LRP1B: variants seen among roughly 807,000 people sequenced by gnomAD.
LRP1B encodes the protein LDL receptor related protein 1B.
In LRP1B, 217 loss-of-function variants were observed where a neutral mutation model predicts 556.6. The ratio of observed to expected loss-of-function variants is 0.39; its 90% CI spans 0.35 to 0.44. The LOEUF is 0.44. LRP1B is among the 20% of genes least tolerant of loss of function. The pLI is 1.00. For missense variants in LRP1B, 5,053 were observed against 5,620.8 expected (o/e 0.90, Z 3.23); for synonymous variants, 2,047 against 1,865.8 (o/e 1.10, Z -2.50).
chr2:141,082,604 T>G (rs1699953011), intron 7 of LRP1B, among the ~76,000 whole-genome samples: 1 of 152,200 alleles, frequency 6.6e-6, no homozygotes, highest in Admixed American at 6.5e-5. Flanking sequence ...AGTGGAGTGC[T>G]ATGTTTACTT....
intron 15 of LRP1B, among the ~76,000 whole-genome samples, chr2:140,998,483 T>C (rs1004114677): frequency 5.3e-5 from 8 of 152,014 alleles, no homozygotes; most frequent in Admixed American, 6.6e-5. Flanking sequence ...TGCTTGGTAA[T>C]TGATCACCTA....
chr2:141,034,514 A>G (rs1279267604), intron 11 of LRP1B, among the ~76,000 whole-genome samples: 1 of 152,216 alleles, frequency 6.6e-6, no homozygotes, highest in East Asian at 1.9e-4. Flanking sequence ...AATTTACAAG[A>G]AAAAAACAAA....
intron 15 of LRP1B, among the ~76,000 whole-genome samples, chr2:140,997,386 T>A (rs10197332): frequency 0.98 from 149,044 of 151,506 alleles, 73,363 homozygotes; most frequent in Non-Finnish European, 1. Context: ...TTTTTTTTTT[T>A]AATTTATTTT....
intron 2 of LRP1B, among the ~76,000 whole-genome samples, chr2:141,509,585 C>A (rs988330): frequency 0.92 from 138,219 of 150,710 alleles, 63,229 homozygotes; most frequent in Non-Finnish European, 0.95. Context: ...AACAAACAAA[C>A]AAAATGCCTT....
intron 3 of LRP1B, among the ~76,000 whole-genome samples, chr2:141,423,871 T>G (rs1680247560): frequency 6.6e-6 from 1 of 151,982 alleles, no homozygotes; most frequent in Admixed American, 6.6e-5. Context: ...GTTATAAATA[T>G]ATAAATGATT....
chr2:141,836,655 GT>G (rs1182105963), intron 1 of LRP1B, among the ~76,000 whole-genome samples: 1 of 151,914 alleles, frequency 6.6e-6, no homozygotes, highest in Non-Finnish European at 1.5e-5. Context: ...TTGTATTACT[GT>G]CACACACTCT....
intron 2 of LRP1B, among the ~76,000 whole-genome samples, chr2:141,520,628 G>T (rs1388032537): frequency 6.6e-6 from 1 of 152,032 alleles, no homozygotes; most frequent in African/African-American, 2.4e-5. Context: ...ATGGTAAACG[G>T]GTCGGGAGAG....
At chr2:141,910,826 T>G (rs2104951901) in intron 1 of LRP1B, among the ~76,000 whole-genome samples, 1 of 152,208 alleles carries the variant, frequency 6.6e-6, no homozygotes, top group East Asian at 1.9e-4. Context: ...GTAGGAAACT[T>G]TCAGTGCTAC....
At chr2:141,511,000 C>G (rs1684111906) in intron 2 of LRP1B, among the ~76,000 whole-genome samples, 1 of 151,244 alleles carries the variant, frequency 6.6e-6, no homozygotes, top group African/African-American at 2.4e-5. Flanking sequence ...CTCATTAGAC[C>G]CTCAGTTAAT....
intron 84 of LRP1B, among the ~76,000 whole-genome samples, chr2:140,288,996 G>A (rs775071040): frequency 1.3e-5 from 2 of 151,864 alleles, no homozygotes; most frequent in Non-Finnish European, 2.9e-5. Flanking sequence ...TGAGATTAGA[G>A]TTGTCTCAAT....
At chr2:141,538,076 T>C (rs1341695705) in intron 2 of LRP1B, among the ~76,000 whole-genome samples, 1 of 152,142 alleles carries the variant, frequency 6.6e-6, no homozygotes, top group Non-Finnish European at 1.5e-5. Flanking sequence ...TATTGCAAAA[T>C]GTAAATTTGT....
At chr2:141,566,019 G>A (rs1686317279) in intron 2 of LRP1B, among the ~76,000 whole-genome samples, 1 of 152,030 alleles carries the variant, frequency 6.6e-6, no homozygotes, top group Non-Finnish European at 1.5e-5. Context: ...AAGGTGCAAG[G>A]AATGACCTTA....
intron 2 of LRP1B, among the ~76,000 whole-genome samples, chr2:141,523,812 T>A (rs1249243514): frequency 6.6e-6 from 1 of 152,170 alleles, no homozygotes; most frequent in South Asian, 2.1e-4. Context: ...GCTACCATCA[T>A]AGCCGAGTAA....
At chr2:141,918,141 T>C (rs929965446) in intron 1 of LRP1B, among the ~76,000 whole-genome samples, 1 of 152,024 alleles carries the variant, frequency 6.6e-6, no homozygotes, top group Non-Finnish European at 1.5e-5. Context: ...TATACTTTTT[T>C]AAAAAATACA....
Position 140,594,102 on chromosome 2 carries a change from C to T in LRP1B, c.7194+4529G>A, listed in dbSNP as rs761628350. Among the ~76,000 whole-genome samples the T allele has an allele frequency of 8.2e-4, 124 of 151,976 alleles. 1 individual carries two copies. Among genetic ancestry groups the T allele is most frequent in the Non-Finnish European group, 6.6e-4 (45 of 67,980 alleles). On this transcript the variant is annotated intron_variant, in intron 43 of 90. Coordinates refer to ENST00000389484, the MANE Select transcript of LRP1B (RefSeq NM_018557.3). ...AAGCGATTCTCCTGCCTCAGCCTCC[C>T]GAGTAGCTGGGACGTGCCACCATGC... is the stretch of plus-strand genomic sequence containing the variant.
intron 2 of LRP1B, among the ~76,000 whole-genome samples, chr2:141,529,027 A>G (rs1424669726): frequency 1.3e-5 from 2 of 152,174 alleles, no homozygotes; most frequent in Non-Finnish European, 2.9e-5. Flanking sequence ...CATTCTGTGA[A>G]AGGGCCTCAG....
At chr2:141,902,408 T>C (rs1699645203) in intron 1 of LRP1B, among the ~76,000 whole-genome samples, 1 of 151,950 alleles carries the variant, frequency 6.6e-6, no homozygotes, top group Admixed American at 6.6e-5. Flanking sequence ...ATGGCAGAGA[T>C]TAGTTAAAAT....
chr2:141,226,455 T>A (rs1388001395), intron 6 of LRP1B, among the ~76,000 whole-genome samples: 1 of 152,172 alleles, frequency 6.6e-6, no homozygotes, highest in East Asian at 1.9e-4. Context: ...TATGGAAGTG[T>A]TAACTGCAAG....
At chr2:140,501,307 A>G (rs1689175025) in intron 55 of LRP1B, among the ~76,000 whole-genome samples, 3 of 151,972 alleles carry the variant, frequency 2.0e-5, no homozygotes, top group Non-Finnish European at 4.4e-5. Flanking sequence ...TGTTGTAGTA[A>G]ATGATTAGCC....
Sources: gnomAD v4.1 joint callset for allele counts (sites outside exome capture counted in the v4.1 genomes callset) on GRCh38, gnomAD v4.1.1 for gene constraint, MANE v1.5 for transcripts, NCBI Gene and HGNC (gene_info 2026-07-23, HGNC 2026-07-21) for gene names.